The following SGCZ variants were observed in gnomAD, a reference collection of about 807,000 sequenced individuals.
The protein encoded by SGCZ is zeta-sarcoglycan.
In SGCZ, 40 loss-of-function variants were observed where a neutral mutation model predicts 41.3. The observed-to-expected ratio is 0.97, with a 90% confidence interval of 0.75 to 1.26. The LOEUF (loss-of-function observed/expected upper bound fraction) is 1.26, where lower values mean the gene tolerates loss of function less well. Among genes scored for constraint, SGCZ ranks in the 50% most tolerant of loss-of-function variants. The pLI is 0.00. For synonymous variants in SGCZ, 206 were observed against 137.5 expected, an observed-to-expected ratio of 1.50 and a Z score of -3.49; for missense variants, 552 against 369.8, an observed-to-expected ratio of 1.49 and a Z score of -4.04.
At chr8:14,956,602 A>C (rs1432607463) in intron 1 of SGCZ, among the ~76,000 whole-genome samples, 2 of 152,128 alleles carry the variant, frequency 1.3e-5, no homozygotes, top group African/African-American at 4.8e-5. Flanking sequence ...TAACACAATA[A>C]CAAAATCACA....
chr8:14,097,778 T>A (rs778451942), intron 7 of SGCZ, among the ~76,000 whole-genome samples: 5 of 152,194 alleles, frequency 3.3e-5, no homozygotes, highest in Non-Finnish European at 7.3e-5. Flanking sequence ...GCTCCTGTTT[T>A]GGGTGCATAT....
intron 3 of SGCZ, among the ~76,000 whole-genome samples, chr8:14,246,321 T>C (rs748348257): frequency 1.3e-5 from 2 of 152,018 alleles, no homozygotes; most frequent in South Asian, 4.1e-4. Context: ...CTGGAAATCA[T>C]CATTCTCAGT....
At chr8:15,013,299 G>A (rs573927799) in intron 1 of SGCZ, among the ~76,000 whole-genome samples, 35 of 152,228 alleles carry the variant, frequency 2.3e-4, no homozygotes, top group Non-Finnish European at 3.5e-4. Context: ...CAAGCCAACA[G>A]ACTGAAAATA....
rs1360098890 is a variant in SGCZ, at chr8:14,086,124, T to G, written c.*4319A>C. On this transcript the variant is annotated 3_prime_UTR_variant, in exon 8 of 8. Coordinates refer to ENST00000382080, the MANE Select transcript of SGCZ (RefSeq NM_139167.4). ...AATAATTTCTCCATATGTCATTAAA[T>G]ATGATCACATGAACAACTCTTATTA... Among the ~76,000 whole-genome samples the G allele has an allele frequency of 6.6e-6, 1 of 151,724 alleles. No homozygotes were observed. The highest frequency in any genetic ancestry group is 2.4e-5 in the African/African-American group (1 of 41,398).
intron 2 of SGCZ, among the ~76,000 whole-genome samples, chr8:14,326,457 T>TA (rs1457259888): frequency 1.3e-5 from 2 of 152,246 alleles, no homozygotes; most frequent in East Asian, 3.9e-4. Flanking sequence ...TTAAATTTTT[T>TA]AAAAAGCCAG....
At position 14,977,880 on chromosome 8, in the gene SGCZ, TACACACACACAC is replaced by T. The variant is rs10562709; in HGVS notation, c.39+259693_39+259704del. Among the ~76,000 whole-genome samples the T allele has an allele frequency of 8.7e-3, 1,305 of 149,594 alleles. 23 individuals are homozygous for T. Among genetic ancestry groups the T allele is most frequent in the East Asian group, 0.067 (340 of 5,074 alleles). The stretch of plus-strand genomic sequence containing the variant: ...CAGGCTTTAAAATCAAGAACAATTT[TACACACACACAC>T]ACACACACACACACACACATATATA... On this transcript the variant is annotated intron_variant, in intron 1 of 7. Coordinates refer to ENST00000382080, the MANE Select transcript of SGCZ (RefSeq NM_139167.4).
intron 2 of SGCZ, among the ~76,000 whole-genome samples, chr8:14,488,070 C>G (rs1801729173): frequency 6.6e-6 from 1 of 152,284 alleles, no homozygotes; most frequent in African/African-American, 2.4e-5. Flanking sequence ...AAATGTGCAG[C>G]TCAGACTTTT....
At chr8:14,182,376 C>G (rs941774877) in intron 4 of SGCZ, among the ~76,000 whole-genome samples, 4 of 152,096 alleles carry the variant, frequency 2.6e-5, no homozygotes, top group Non-Finnish European at 5.9e-5. Flanking sequence ...AGTCTTATTG[C>G]TCAAGCACAG....
chr8:14,777,624 A>G (rs1435440350), intron 1 of SGCZ, among the ~76,000 whole-genome samples: 1 of 152,168 alleles, frequency 6.6e-6, no homozygotes, highest in Admixed American at 6.6e-5. Context: ...CATAAGACAT[A>G]CGCATATCCA....
chr8:15,013,699 A>G (rs1454499618), intron 1 of SGCZ, among the ~76,000 whole-genome samples: 2 of 152,206 alleles, frequency 1.3e-5, no homozygotes, highest in African/African-American at 2.4e-5. Context: ...ACTTAACTTT[A>G]ATAATTCTCA....
At chr8:14,439,188 T>C (rs989612570) in intron 2 of SGCZ, among the ~76,000 whole-genome samples, 1 of 151,882 alleles carries the variant, frequency 6.6e-6, no homozygotes, top group Non-Finnish European at 1.5e-5. Flanking sequence ...AAAATGCATT[T>C]AAAAATACTG....
chr8:14,485,891 G>C (rs1412564668), intron 2 of SGCZ, among the ~76,000 whole-genome samples: 1 of 137,584 alleles, frequency 7.3e-6, no homozygotes, highest in East Asian at 2.3e-4. Context: ...CCGGACTGCG[G>C]ACTGCAGTGG....
intron 4 of SGCZ, among the ~76,000 whole-genome samples, chr8:14,215,722 A>G (rs1388123478): frequency 1.3e-5 from 2 of 152,310 alleles, no homozygotes; most frequent in Non-Finnish European, 2.9e-5. Context: ...TATGCTCACA[A>G]ATTTGTACAT....
intron 2 of SGCZ, among the ~76,000 whole-genome samples, chr8:14,532,861 T>C (rs1209404201): frequency 1.3e-5 from 2 of 151,946 alleles, no homozygotes; most frequent in East Asian, 3.9e-4. Flanking sequence ...TTTCATTCTT[T>C]TGCTCTGAGC....
chr8:15,005,425 G>A (rs554268722), intron 1 of SGCZ, among the ~76,000 whole-genome samples: 2 of 146,728 alleles, frequency 1.4e-5, no homozygotes, highest in Admixed American at 7.2e-5. Context: ...TCTGCCTCCT[G>A]GGTTCGAGCG....
intron 1 of SGCZ, among the ~76,000 whole-genome samples, chr8:14,711,844 T>C (rs1809529027): frequency 6.6e-6 from 1 of 152,206 alleles, no homozygotes; most frequent in Non-Finnish European, 1.5e-5. Flanking sequence ...ACATTTCTGT[T>C]TGTTTGCTTG....
Position 14,145,071 on chromosome 8 carries a change from A to G in SGCZ, c.547+19509T>C, listed in dbSNP as rs553807134. 5.9e-4 allele frequency among the ~76,000 whole-genome samples: 90 copies of G among 152,268 alleles called. 2 individuals carry two copies. The South Asian group carries it at 0.018, about 31-fold the overall frequency. On this transcript the variant is annotated intron_variant, in intron 5 of 7. Transcript: ENST00000382080. ...AGGAGACCTCACTGACCTGAAAAGAAAAAGACATAGGCCTGGCTGGCTTTG... is the reference window on the plus strand; with the variant it reads ...AGGAGACCTCACTGACCTGAAAAGAGAAAGACATAGGCCTGGCTGGCTTTG...
chr8:14,522,671 A>T (rs1802825946), intron 2 of SGCZ, among the ~76,000 whole-genome samples: 1 of 151,632 alleles, frequency 6.6e-6, no homozygotes, highest in Admixed American at 6.6e-5. Context: ...AAAAAATACA[A>T]CTGTCTTTTC....
At chr8:14,950,914 A>ATTT (rs1800614363) in intron 1 of SGCZ, among the ~76,000 whole-genome samples, 1 of 152,094 alleles carries the variant, frequency 6.6e-6, no homozygotes, top group African/African-American at 2.4e-5. Flanking sequence ...GGAAAGAGCC[A>ATTT]AAATTAATGA....
Sources: gnomAD v4.1 joint callset for allele counts (sites outside exome capture counted in the v4.1 genomes callset) on GRCh38, gnomAD v4.1.1 for gene constraint, MANE v1.5 for transcripts, NCBI Gene and HGNC (gene_info 2026-07-23, HGNC 2026-07-21) for gene names.